FAM162A: variants seen among roughly 807,000 people sequenced by gnomAD.
FAM162A encodes the protein family with sequence similarity 162 member A, also known as protein FAM162A.
A neutral mutation model predicts 21.8 loss-of-function variants in FAM162A; 23 were observed. The ratio of observed to expected loss-of-function variants is 1.05; its 90% CI spans 0.76 to 1.49. The LOEUF (loss-of-function observed/expected upper bound fraction) is 1.49, where lower values mean the gene tolerates loss of function less well. Ranked by LOEUF, FAM162A falls within the 40% of genes most tolerant of loss-of-function variation. The pLI is 0.00. For synonymous variants in FAM162A, 53 were observed against 61.3 expected (o/e 0.86, Z 0.64); for missense variants, 165 against 186.4 (o/e 0.89, Z 0.67).
At chr3:122,394,722 G>A (rs2075619475) in intron 1 of FAM162A, among the ~76,000 whole-genome samples, 1 of 152,102 alleles carries the variant, frequency 6.6e-6, no homozygotes, top group African/African-American at 2.4e-5. Context: ...GAAAAAAATA[G>A]AATTAATCTT....
At chr3:122,407,501 C>T in intron 4 of FAM162A, 112 bp downstream of exon 4, 1 of 744,632 alleles carries the variant, frequency 1.3e-6, no homozygotes, top group Non-Finnish European at 2.2e-6. Flanking sequence ...CTACTTTCTA[C>T]ATTACATGAG....
intron 2 of FAM162A, 98 bp downstream of exon 2, chr3:122,402,980 A>AT (rs2075659817): frequency 7.7e-7 from 1 of 1,304,454 alleles, no homozygotes; most frequent in South Asian, 1.7e-5. Context: ...TTCCTATATC[A>AT]TACCCTCCCA....
chr3:122,386,281 GCTCACAC>G (rs537213935), intron 1 of FAM162A, among the ~76,000 whole-genome samples: 1 of 152,296 alleles, frequency 6.6e-6, no homozygotes, highest in Non-Finnish European at 1.5e-5. Context: ...CAATGTGGTG[GCTCACAC>G]CTGCTATCCC....
chr3:122,404,996 A>G (rs1012527952), intron 3 of FAM162A, among the ~76,000 whole-genome samples: 2 of 152,164 alleles, frequency 1.3e-5, no homozygotes, highest in African/African-American at 4.8e-5. Flanking sequence ...TGCCCCCTAC[A>G]TGCCCGTAGC....
At chr3:122,395,065 A>G (rs1464855853) in intron 1 of FAM162A, among the ~76,000 whole-genome samples, 1 of 152,150 alleles carries the variant, frequency 6.6e-6, no homozygotes, top group Non-Finnish European at 1.5e-5. Flanking sequence ...ACAAAATGCA[A>G]CTCCTCTTCA....
intron 3 of FAM162A, among the ~76,000 whole-genome samples, chr3:122,404,620 A>T (rs2075668987): frequency 6.6e-6 from 1 of 152,232 alleles, no homozygotes; most frequent in African/African-American, 2.4e-5. Context: ...ATTTGATTTC[A>T]TCCCCTGGCT....
At position 122,410,022 on chromosome 3, in the gene FAM162A, T is replaced by G; in HGVS notation, c.*191T>G. On this transcript the variant is annotated 3_prime_UTR_variant, in exon 5 of 5. Transcript: ENST00000477892. ...TAATGACTGTGTTTTATTGTTTTGA[T>G]CCAAGTCAAGTGTAGCCTCTCAGCC... is the stretch of plus-strand genomic sequence containing the variant. The G allele has an allele frequency of 1.6e-6, 1 of 634,072 alleles. No individual in the cohort carries two copies. Among genetic ancestry groups the G allele is most frequent in the Non-Finnish European group, 2.9e-6 (1 of 350,866 alleles). 39.3% of individuals were successfully genotyped at this position (634,072 alleles called of 1,614,324 possible).
chr3:122,409,842 C>T lies in FAM162A; in HGVS notation c.*11C>T, dbSNP rs116026640. 3.4e-3 allele frequency: 5,508 copies of T among 1,610,530 alleles called. 31 individuals carry two copies. Among genetic ancestry groups the T allele is most frequent in the South Asian group, 0.014 (1,318 of 90,990 alleles). On this transcript the variant is annotated 3_prime_UTR_variant, in exon 5 of 5. Transcript: ENST00000477892. ...GCCAAAACAGAGTAGCAGAGGTATCCGTGTTGGCTGGATTTTGAAAATCCA... is the reference window on the plus strand; with the variant it reads ...GCCAAAACAGAGTAGCAGAGGTATCTGTGTTGGCTGGATTTTGAAAATCCA...
At chr3:122,396,173 C>T (rs1176759220) in intron 1 of FAM162A, among the ~76,000 whole-genome samples, 1 of 151,994 alleles carries the variant, frequency 6.6e-6, no homozygotes, top group Non-Finnish European at 1.5e-5. Flanking sequence ...ATAAACTGGA[C>T]CTCACCCAAA....
chr3:122,399,057 A>G (rs2075641797), intron 1 of FAM162A, among the ~76,000 whole-genome samples: 1 of 152,026 alleles, frequency 6.6e-6, no homozygotes, highest in Non-Finnish European at 1.5e-5. Flanking sequence ...CCCATTAGTT[A>G]TCTTTTCTGA....
intron 1 of FAM162A, among the ~76,000 whole-genome samples, chr3:122,398,156 G>A (rs557692539): frequency 2.4e-4 from 37 of 152,262 alleles, no homozygotes; most frequent in Admixed American, 9.2e-4. Flanking sequence ...GCAAATAAAG[G>A]GAAAGAATCC....
intron 1 of FAM162A, among the ~76,000 whole-genome samples, chr3:122,400,957 T>C (rs1049925128): frequency 2.0e-4 from 31 of 152,216 alleles, no homozygotes; most frequent in African/African-American, 6.3e-4. Flanking sequence ...AAATCATAAA[T>C]ACATCTTATA....
intron 3 of FAM162A, among the ~76,000 whole-genome samples, chr3:122,405,938 G>A (rs565109037): frequency 4.1e-4 from 63 of 152,208 alleles, no homozygotes; most frequent in African/African-American, 1.4e-3. Flanking sequence ...CCAGCCTGCA[G>A]GCCCAGCTTA....
intron 1 of FAM162A, among the ~76,000 whole-genome samples, chr3:122,389,429 A>AGATAGATAGATG (rs2075590366): frequency 7.4e-6 from 1 of 135,338 alleles, no homozygotes; most frequent in South Asian, 2.4e-4. Context: ...ATAGATAGAT[A>AGATAGATAGATG]GATAGATGAG....
At chr3:122,386,274 T>C (rs2075574143) in intron 1 of FAM162A, among the ~76,000 whole-genome samples, 1 of 152,086 alleles carries the variant, frequency 6.6e-6, no homozygotes, top group Admixed American at 6.5e-5. Flanking sequence ...GTAGGCTCAA[T>C]GTGGTGGCTC....
chr3:122,410,965 C>T lies in FAM162A; in HGVS notation c.*1134C>T, dbSNP rs1035504480. 2 of 152,144 alleles carry T rather than the reference C, an allele frequency of 1.3e-5. No homozygotes were observed. Among genetic ancestry groups the T allele is most frequent in the Admixed American group, 1.3e-4 (2 of 15,270 alleles). The allele number at this position is 152,144 out of a possible 1,614,324, so 9.4% of individuals were successfully genotyped here. On this transcript the variant is annotated 3_prime_UTR_variant, in exon 5 of 5. Coordinates refer to ENST00000477892, the MANE Select transcript of FAM162A (RefSeq NM_014367.4). The stretch of plus-strand genomic sequence containing the variant: ...CAGGTAACTCTTATTTAATAATTGC[C>T]TCAAAGTGCATTGTGCTGTGCCTAA...
intron 1 of FAM162A, among the ~76,000 whole-genome samples, chr3:122,396,670 C>CA (rs1445291991): frequency 1.3e-5 from 2 of 152,110 alleles, no homozygotes; most frequent in African/African-American, 4.8e-5. Context: ...TCCTCAAAAA[C>CA]TTGTACACAA....
At chr3:122,409,427 A>G (rs1320896038) in intron 4 of FAM162A, among the ~76,000 whole-genome samples, 2 of 152,184 alleles carry the variant, frequency 1.3e-5, no homozygotes, top group Non-Finnish European at 2.9e-5. Flanking sequence ...TATTTAGTAT[A>G]AAAGAGAAGT....
At chr3:122,391,116 T>C (rs939220740) in intron 1 of FAM162A, among the ~76,000 whole-genome samples, 1 of 152,256 alleles carries the variant, frequency 6.6e-6, no homozygotes. Flanking sequence ...CATGTTGTTA[T>C]AATTGCAAAA....
Sources: gnomAD v4.1 joint callset for allele counts (sites outside exome capture counted in the v4.1 genomes callset) on GRCh38, gnomAD v4.1.1 for gene constraint, MANE v1.5 for transcripts, NCBI Gene and HGNC (gene_info 2026-07-23, HGNC 2026-07-21) for gene names.